SFT2D2: variants seen among roughly 807,000 people sequenced by gnomAD.
SFT2D2 encodes the protein vesicle transport protein SFT2B.
In SFT2D2, 21 loss-of-function variants were observed where a neutral mutation model predicts 27.4. The observed-to-expected ratio is 0.77, with a 90% confidence interval of 0.54 to 1.10. The LOEUF is 1.10. Among genes scored for constraint, SFT2D2 ranks in the 50% least tolerant of loss-of-function variants. SFT2D2 has a pLI of 0.00. For missense variants in SFT2D2, 187 were observed against 194.2 expected, an observed-to-expected ratio of 0.96 and a Z score of 0.22; for synonymous variants, 72 against 71.7, an observed-to-expected ratio of 1.00 and a Z score of -0.02.
chr1:168,249,428 G>T lies in SFT2D2; in HGVS notation c.*6888G>T, dbSNP rs1647901919. On this transcript the variant is annotated 3_prime_UTR_variant, in exon 8 of 8. Transcript: ENST00000271375. Reference sequence around the variant, plus strand: ...TTTTTGTATTTTTAGTAGAAACAGGGTTTCACCATGTTGGCCAGGCTGGTC... The same window carrying T: ...TTTTTGTATTTTTAGTAGAAACAGGTTTTCACCATGTTGGCCAGGCTGGTC... 6.6e-6 allele frequency: 1 copy of T among 152,456 alleles called. No homozygotes were observed. Among genetic ancestry groups the T allele is most frequent in the East Asian group, 1.9e-4 (1 of 5,202 alleles). The allele number at this position is 152,456 out of a possible 1,614,324, so 9.4% of individuals were successfully genotyped here.
At chr1:168,231,805 A>T (rs769857325) in intron 2 of SFT2D2, 29 bp from the exon 3 acceptor site, 1 of 1,609,394 alleles carries the variant, frequency 6.2e-7, no homozygotes. Flanking sequence ...AGGGTTGCTC[A>T]TGTGCAAACA....
intron 3 of SFT2D2, among the ~76,000 whole-genome samples, 169 bp from the exon 4 acceptor site, chr1:168,234,932 T>C (rs1647445505): frequency 6.6e-6 from 1 of 152,214 alleles, no homozygotes; most frequent in African/African-American, 2.4e-5. Context: ...TATAGGTTGG[T>C]TGTTGATGGA....
At chr1:168,241,604 G>T (rs1479969486) in intron 7 of SFT2D2, among the ~76,000 whole-genome samples, 3 of 152,116 alleles carry the variant, frequency 2.0e-5, no homozygotes, top group African/African-American at 7.2e-5. Flanking sequence ...TGAGAAACAG[G>T]TTAAGCAAAA....
In SFT2D2 at chr1:168,236,730, G is replaced by T; in HGVS notation, c.373G>T (p.Ala125Ser). 6.2e-7 allele frequency: 1 copy of T among 1,614,138 alleles called. No individual in the cohort carries two copies. The highest frequency in any genetic ancestry group is 8.5e-7 in the Non-Finnish European group (1 of 1,180,030). ...SAFWWHNKGLALIFCILQSLA... is the reference protein window; with the variant it reads ...SAFWWHNKGLSLIFCILQSLA... ...TTTCCAGTGGCATAACAAGGGACTT[G>T]CACTTATCTTCTGCATTTTGCAGTC... Residue 125 changes from alanine (A) to serine (S), a missense_variant, in exon 6 of 8, where the codon GCA (alanine) becomes TCA (serine). Physicochemically the swap from Ala to Ser is moderately conservative, Grantham distance 99. Transcript: ENST00000271375.
chr1:168,231,637 C>T (rs868316250), intron 2 of SFT2D2, 37 bp downstream of exon 2: 1 of 1,593,962 alleles, frequency 6.3e-7, no homozygotes, highest in Non-Finnish European at 8.6e-7. Context: ...TTTCCTTCTA[C>T]CTGTCTTTGC....
chr1:168,228,879 G>T (rs981020844), intron 1 of SFT2D2, among the ~76,000 whole-genome samples: 4 of 152,166 alleles, frequency 2.6e-5, no homozygotes, highest in African/African-American at 9.7e-5. Context: ...ACAGCTTCCA[G>T]CAGTCATGAA....
At chr1:168,227,239 C>T (rs1700471920) in intron 1 of SFT2D2, among the ~76,000 whole-genome samples, 1 of 152,208 alleles carries the variant, frequency 6.6e-6, no homozygotes, top group African/African-American at 2.4e-5. Flanking sequence ...TTTTGGATGA[C>T]AAAATAACGT....
intron 3 of SFT2D2, among the ~76,000 whole-genome samples, chr1:168,234,654 G>A (rs1647436729): frequency 6.6e-6 from 1 of 152,170 alleles, no homozygotes; most frequent in African/African-American, 2.4e-5. Context: ...GAAAGAAAAT[G>A]AAATGCTCTA....
chr1:168,227,205 G>A (rs999333661), intron 1 of SFT2D2, among the ~76,000 whole-genome samples: 1 of 152,118 alleles, frequency 6.6e-6, no homozygotes, highest in Non-Finnish European at 1.5e-5. Context: ...TTCTATTTAG[G>A]GTGCTTTTAG....
intron 1 of SFT2D2, among the ~76,000 whole-genome samples, chr1:168,230,211 G>A (rs903826778): frequency 4.6e-5 from 7 of 152,110 alleles, no homozygotes; most frequent in Admixed American, 6.6e-5. Flanking sequence ...CAAGGCTGAC[G>A]GAGTTGCCAG....
intron 1 of SFT2D2, among the ~76,000 whole-genome samples, chr1:168,228,156 G>A (rs1558174293): frequency 1.3e-5 from 2 of 152,174 alleles, no homozygotes; most frequent in Non-Finnish European, 2.9e-5. Context: ...CCTAGGAAAT[G>A]TTTTGTTGCC....
In SFT2D2 at chr1:168,252,046, C is replaced by G. The variant is rs1647964128; in HGVS notation, c.*9506C>G. 6.6e-6 allele frequency: 1 copy of G among 152,050 alleles called. No individual in the cohort carries two copies. The highest frequency in any genetic ancestry group is 6.6e-5 in the Admixed American group (1 of 15,266). The allele number at this position is 152,050 out of a possible 1,614,324, so 9.4% of individuals were successfully genotyped here. A position where few individuals can be genotyped will look rare whatever the true frequency, so the allele number is the denominator to read the frequency against. ...TCACTTCTACCCTAAATTCATAGTC[C>G]CTGATACTTAAGCTTTACCCTTGGC... On this transcript the variant is annotated 3_prime_UTR_variant, in exon 8 of 8. Coordinates refer to ENST00000271375, the MANE Select transcript of SFT2D2 (RefSeq NM_199344.3).
In SFT2D2 at chr1:168,236,702, A is replaced by AT. The variant is rs747375998; in HGVS notation, c.355-5dup. On this transcript the variant is annotated splice_polypyrimidine_tract_variant and intron_variant, in intron 5 of 7. Transcript: ENST00000271375. ...CACACTCTCCTATAACCATATTATT[A>AT]TTTTTCCAGTGGCATAACAAGGGAC... The AT allele has an allele frequency of 1.7e-5, 27 of 1,613,854 alleles. No individual in the cohort carries two copies. In the African/African-American group the frequency reaches 3.3e-4, roughly 20 times the overall value.
In SFT2D2 at chr1:168,246,402, G is replaced by T; in HGVS notation, c.*3862G>T. ...TTTTTCTACTTTATCTTGGCCACTT[G>T]TGTACATTTTTTCAATGTCCTTCAT... is the stretch of plus-strand genomic sequence containing the variant. On this transcript the variant is annotated 3_prime_UTR_variant, in exon 8 of 8. Coordinates refer to ENST00000271375, the MANE Select transcript of SFT2D2 (RefSeq NM_199344.3). 2 of 769,516 alleles carry T rather than the reference G, an allele frequency of 2.6e-6. No individual in the cohort carries two copies. Among genetic ancestry groups the T allele is most frequent in the Non-Finnish European group, 3.9e-6 (2 of 516,126 alleles). 47.7% of individuals were successfully genotyped at this position (769,516 alleles called of 1,614,324 possible).
Position 168,229,438 on chromosome 1 carries a change from C to A in SFT2D2, c.64-2076C>A, listed in dbSNP as rs148302359. On this transcript the variant is annotated intron_variant, in intron 1 of 7. Transcript: ENST00000271375. ...TCCTCTTCAAATAGAAAGGTTGAATCTTTTAAAATTATCCGTGTTGATGCC... is the reference window on the plus strand; with the variant it reads ...TCCTCTTCAAATAGAAAGGTTGAATATTTTAAAATTATCCGTGTTGATGCC... Among the ~76,000 whole-genome samples the A allele has an allele frequency of 6.3e-3, 955 of 152,338 alleles. 7 individuals are homozygous for A. The highest frequency in any genetic ancestry group is 0.021 in the African/African-American group (854 of 41,578).
Position 168,246,332 on chromosome 1 carries a change from A to G in SFT2D2, c.*3792A>G. The G allele has an allele frequency of 2.2e-6, 1 of 461,456 alleles. No homozygotes were observed. The highest frequency in any genetic ancestry group is 2.1e-5 in the South Asian group (1 of 48,264). The allele number at this position is 461,456 out of a possible 1,614,324, so 28.6% of individuals were successfully genotyped here. A position where few individuals can be genotyped will look rare whatever the true frequency, so the allele number is the denominator to read the frequency against. ...CATCCAGTTGCTGTTGAAGCAACAT[A>G]TTTTGTCTTCGTAGTTGACATAATC... On this transcript the variant is annotated 3_prime_UTR_variant, in exon 8 of 8. Coordinates refer to ENST00000271375, the MANE Select transcript of SFT2D2 (RefSeq NM_199344.3).
At chr1:168,240,613 C>T (rs1319473872) in intron 7 of SFT2D2, among the ~76,000 whole-genome samples, 1 of 152,028 alleles carries the variant, frequency 6.6e-6, no homozygotes, top group Non-Finnish European at 1.5e-5. Flanking sequence ...AAAATGTGAG[C>T]TTCTTGTTCA....
chr1:168,230,790 A>G (rs959929105), intron 1 of SFT2D2, among the ~76,000 whole-genome samples: 1 of 152,128 alleles, frequency 6.6e-6, no homozygotes, highest in African/African-American at 2.4e-5. Flanking sequence ...CATTTTTGAC[A>G]TGGGAAAAGA....
At position 168,252,393 on chromosome 1, in the gene SFT2D2, T is replaced by G. The variant is rs1393448057; in HGVS notation, c.*9853T>G. 1 of 152,222 alleles carries G rather than the reference T, an allele frequency of 6.6e-6. No homozygotes were observed. The highest frequency in any genetic ancestry group is 6.5e-5 in the Admixed American group (1 of 15,278). 9.4% of individuals were successfully genotyped at this position (152,222 alleles called of 1,614,324 possible). A position where few individuals can be genotyped will look rare whatever the true frequency, so the allele number is the denominator to read the frequency against. On this transcript the variant is annotated 3_prime_UTR_variant, in exon 8 of 8. Coordinates refer to ENST00000271375, the MANE Select transcript of SFT2D2 (RefSeq NM_199344.3). ...TAAAGGACAAATTGCAGCTGGTATT[T>G]GGGTGAATGTTGTTGCTCTGTGCCT...
Sources: gnomAD v4.1 joint callset for allele counts (sites outside exome capture counted in the v4.1 genomes callset) on GRCh38, gnomAD v4.1.1 for gene constraint, MANE v1.5 for transcripts, NCBI Gene and HGNC (gene_info 2026-07-23, HGNC 2026-07-21) for gene names.